The following PPP2CA variants were observed in gnomAD, a reference collection of about 807,000 sequenced individuals.
PPP2CA encodes the protein protein phosphatase 2 catalytic subunit alpha, also known as serine/threonine-protein phosphatase 2A catalytic subunit alpha isoform.
A neutral mutation model predicts 38.8 loss-of-function variants in PPP2CA; 5 were observed. The ratio of observed to expected loss-of-function variants is 0.13; its 90% CI spans 0.07 to 0.27. The LOEUF is 0.27. PPP2CA is among the 10% of genes least tolerant of loss of function. The pLI, the probability that PPP2CA is intolerant of heterozygous loss-of-function variation, is 1.00. For synonymous variants in PPP2CA, 152 were observed against 134.0 expected, an observed-to-expected ratio of 1.13 and a Z score of -0.93; for missense variants, 88 against 389.7, an observed-to-expected ratio of 0.23 and a Z score of 6.52.
At chr5:134,221,285 G>A (rs1397620955) in intron 1 of PPP2CA, among the ~76,000 whole-genome samples, 1 of 152,090 alleles carries the variant, frequency 6.6e-6, no homozygotes, top group Non-Finnish European at 1.5e-5. Context: ...CTAATTTTTT[G>A]TATTTTTAAG....
chr5:134,215,824 G>C (rs995844839), intron 1 of PPP2CA, among the ~76,000 whole-genome samples: 15 of 152,116 alleles, frequency 9.9e-5, no homozygotes, highest in African/African-American at 3.6e-4. Flanking sequence ...ATTGAAAACA[G>C]ATAACATTTC....
At chr5:134,218,504 T>C (rs1368615382) in intron 1 of PPP2CA, among the ~76,000 whole-genome samples, 1 of 152,112 alleles carries the variant, frequency 6.6e-6, no homozygotes, top group Non-Finnish European at 1.5e-5. Flanking sequence ...CATTCCTGCA[T>C]AGAAAAAGAA....
At chr5:134,215,877 T>C (rs1298861616) in intron 1 of PPP2CA, among the ~76,000 whole-genome samples, 2 of 152,162 alleles carry the variant, frequency 1.3e-5, no homozygotes, top group Non-Finnish European at 2.9e-5. Context: ...ACTGAGATAA[T>C]AACCCTTATT....
intron 1 of PPP2CA, among the ~76,000 whole-genome samples, chr5:134,210,320 T>G (rs781054823): frequency 6.6e-6 from 1 of 152,174 alleles, no homozygotes; most frequent in Non-Finnish European, 1.5e-5. Flanking sequence ...GACTTTTAAG[T>G]AACTTAATTT....
chr5:134,199,373 A>T (rs1761924192), intron 5 of PPP2CA, 169 bp from the exon 6 acceptor site: 2 of 552,700 alleles, frequency 3.6e-6, no homozygotes, highest in Non-Finnish European at 3.2e-6. Flanking sequence ...TACTTTATAC[A>T]ACCTGTAAGG....
intron 1 of PPP2CA, among the ~76,000 whole-genome samples, chr5:134,220,456 CAAAA>C (rs10649430): frequency 2.2e-4 from 12 of 54,052 alleles, no homozygotes; most frequent in South Asian, 1.3e-3. Context: ...GACTCTATCT[CAAAA>C]AAAAAAAAAA....
chr5:134,206,424 G>A (rs919503355), intron 1 of PPP2CA, among the ~76,000 whole-genome samples: 1 of 152,174 alleles, frequency 6.6e-6, no homozygotes, highest in South Asian at 2.1e-4. Flanking sequence ...TAAAACCAAT[G>A]AAAATCGAAC....
At position 134,207,537 on chromosome 5, in the gene PPP2CA, A is replaced by G. The variant is rs140223668; in HGVS notation, c.103-1406T>C. Among the ~76,000 whole-genome samples the G allele has an allele frequency of 1.2e-3, 184 of 152,272 alleles. 2 individuals carry two copies. Among genetic ancestry groups the G allele is most frequent in the Admixed American group, 9.7e-3 (148 of 15,296 alleles). ...TTCCCAGTGTGCAACCAAGTTTAAG[A>G]ACCACTGCACTTTGGGACGCTAAGG... On this transcript the variant is annotated intron_variant, in intron 1 of 6. Transcript: ENST00000481195.
chr5:134,215,920 A>G (rs1207870833), intron 1 of PPP2CA, among the ~76,000 whole-genome samples: 16 of 152,190 alleles, frequency 1.1e-4, no homozygotes, highest in Non-Finnish European at 2.4e-4. Context: ...ACTCCAACGA[A>G]ATCAGATTAT....
chr5:134,194,440 A>C lies in PPP2CA; in HGVS notation c.*3332T>G, dbSNP rs1761798047. On this transcript the variant is annotated 3_prime_UTR_variant, in exon 7 of 7. Transcript: ENST00000481195. Reference sequence around the variant, plus strand: ...CTATAGGTTACTAAACTATAGGCCCATTTCTAAGAACACATTTATGGTTGG... The same window carrying C: ...CTATAGGTTACTAAACTATAGGCCCCTTTCTAAGAACACATTTATGGTTGG... The C allele has an allele frequency of 6.6e-6, 1 of 152,218 alleles. No individual in the cohort carries two copies. Among genetic ancestry groups the C allele is most frequent in the African/African-American group, 2.4e-5 (1 of 41,460 alleles). The allele number at this position is 152,218 out of a possible 1,614,324, so 9.4% of individuals were successfully genotyped here. A position where few individuals can be genotyped will look rare whatever the true frequency, so the allele number is the denominator to read the frequency against.
intron 2 of PPP2CA, among the ~76,000 whole-genome samples, chr5:134,204,219 T>C (rs542537907): frequency 3.3e-5 from 5 of 152,382 alleles, no homozygotes; most frequent in South Asian, 4.1e-4. Context: ...ATTTTGAATA[T>C]TCTTTAATAA....
intron 1 of PPP2CA, among the ~76,000 whole-genome samples, chr5:134,210,386 T>A (rs1762178172): frequency 6.6e-6 from 1 of 152,222 alleles, no homozygotes; most frequent in African/African-American, 2.4e-5. Flanking sequence ...GCATTTTGAC[T>A]TCTGTAAAGT....
intron 1 of PPP2CA, among the ~76,000 whole-genome samples, chr5:134,208,668 C>T (rs534103660): frequency 6.6e-6 from 1 of 152,270 alleles, no homozygotes; most frequent in East Asian, 1.9e-4. Context: ...GTAGTCCCAT[C>T]ATAAACTGAG....
intron 1 of PPP2CA, 59 bp downstream of exon 1, chr5:134,225,701 G>T: frequency 6.6e-7 from 1 of 1,525,148 alleles, no homozygotes; most frequent in Non-Finnish European, 8.9e-7. Flanking sequence ...CCTCACGGCC[G>T]CCTTTTCCTC....
At chr5:134,202,152 T>A in intron 2 of PPP2CA, 131 bp from the exon 3 acceptor site, 1 of 872,024 alleles carries the variant, frequency 1.1e-6, no homozygotes, top group South Asian at 2.0e-5. Context: ...CATATCATAG[T>A]GAACCAAAAC....
chr5:134,218,827 C>A (rs979852953), intron 1 of PPP2CA, among the ~76,000 whole-genome samples: 1 of 152,100 alleles, frequency 6.6e-6, no homozygotes, highest in African/African-American at 2.4e-5. Flanking sequence ...CACCACCATG[C>A]CTGGCTAAAT....
intron 5 of PPP2CA, 103 bp from the exon 6 acceptor site, chr5:134,199,307 CA>C: frequency 1.2e-6 from 1 of 810,594 alleles, no homozygotes; most frequent in Non-Finnish European, 2.1e-6. Flanking sequence ...CCACCCCTGC[CA>C]AAGGGGCTTA....
chr5:134,220,010 C>CAA (rs10578851), intron 1 of PPP2CA, among the ~76,000 whole-genome samples: 6 of 103,530 alleles, frequency 5.8e-5, no homozygotes, highest in Admixed American at 3.9e-4. Flanking sequence ...GGCTCCGTAT[C>CAA]AAAAAAAAAA....
chr5:134,205,929 G>A lies in PPP2CA; in HGVS notation c.305C>T (p.Ala102Val), dbSNP rs1333791019. Residue 102 changes from alanine (A) to valine (V), a missense_variant, in exon 2 of 7, where the codon GCT becomes GTT. This residue lies in a region of PPP2CA where 12 missense variants were observed against 20.6 expected (regional missense o/e 0.58). Transcript: ENST00000481195. ...YSVETVTLLV[A>V]LKVRYRERIT... ...ACATAAAATTGAAATTACCTTAAGA[G>A]CTACAAGCAGTGTAACTGTTTCAAC... The A allele has an allele frequency of 5.0e-6, 8 of 1,612,552 alleles. No individual in the cohort carries two copies. The highest frequency in any genetic ancestry group is 6.8e-6 in the Non-Finnish European group (8 of 1,178,718).
Sources: gnomAD v4.1 joint callset for allele counts (sites outside exome capture counted in the v4.1 genomes callset) on GRCh38, gnomAD v4.1.1 for gene constraint, gnomAD v4.1.1 regional missense constraint, MANE v1.5 for transcripts, NCBI Gene and HGNC (gene_info 2026-07-23, HGNC 2026-07-21) for gene names.